Variants in DGKG observed in about 807,000 individuals in gnomAD.
DGKG encodes the protein DAG kinase gamma.
DGKG carries 78 observed loss-of-function variants against 105.3 expected under a neutral mutation model. That is an observed-to-expected ratio of 0.74 (90% CI 0.62 to 0.89). The LOEUF is 0.89. DGKG is among the 40% of genes least tolerant of loss of function. The probability of loss-of-function intolerance (pLI) is 0.00; values close to 1 mark genes in which losing one functional copy is unlikely to be tolerated. For missense variants in DGKG, 958 were observed against 1,020.1 expected (o/e 0.94, Z 0.83); for synonymous variants, 346 against 367.1 (o/e 0.94, Z 0.66).
chr3:186,253,061 C>T (rs745309362), intron 18 of DGKG, 32 bp downstream of exon 18: 3 of 1,595,888 alleles, frequency 1.9e-6, no homozygotes, highest in East Asian at 2.2e-5. Flanking sequence ...AACACCTGTT[C>T]CCAGGGTACC....
At chr3:186,160,076 G>T in intron 24 of DGKG, 1 of 497,760 alleles carries the variant, frequency 2.0e-6, no homozygotes, top group Non-Finnish European at 2.6e-6. Flanking sequence ...TCAGTCTGTG[G>T]TATTCTATTA....
At chr3:186,171,429 A>G (rs1716813745) in intron 22 of DGKG, among the ~76,000 whole-genome samples, 1 of 152,208 alleles carries the variant, frequency 6.6e-6, no homozygotes, top group South Asian at 2.1e-4. Context: ...CCCTGCAAAT[A>G]CCAAAACAGA....
intron 21 of DGKG, among the ~76,000 whole-genome samples, chr3:186,202,907 A>G (rs1028645097): frequency 1.3e-5 from 2 of 152,244 alleles, no homozygotes; most frequent in African/African-American, 4.8e-5. Context: ...CGGAAGACAC[A>G]AAGTAGATAG....
chr3:186,241,106 T>C (rs1344546443), intron 20 of DGKG, among the ~76,000 whole-genome samples: 1 of 152,180 alleles, frequency 6.6e-6, no homozygotes, highest in East Asian at 1.9e-4. Flanking sequence ...GATCGCTCTT[T>C]CTGAAGCTAT....
At chr3:186,168,537 A>G (rs1716663901) in intron 22 of DGKG, among the ~76,000 whole-genome samples, 1 of 152,248 alleles carries the variant, frequency 6.6e-6, no homozygotes, top group South Asian at 2.1e-4. Flanking sequence ...AAAAATCCTC[A>G]GTGGCACTCA....
In DGKG at chr3:186,297,018, C is replaced by T. The variant is rs148183515; in HGVS notation, c.373+403G>A. On this transcript the variant is annotated intron_variant, in intron 5 of 24. Coordinates refer to ENST00000265022, the MANE Select transcript of DGKG (RefSeq NM_001346.3). ...CATCCACTGGTAGAGTCATCTGCACCTCAGCCTTACAGCCACAGCCACCTC... is the reference window on the plus strand; with the variant it reads ...CATCCACTGGTAGAGTCATCTGCACTTCAGCCTTACAGCCACAGCCACCTC... Among the ~76,000 whole-genome samples the T allele has an allele frequency of 6.1e-3, 933 of 151,724 alleles. 6 individuals carry two copies. Among genetic ancestry groups the T allele is most frequent in the Non-Finnish European group, 9.3e-3 (632 of 67,940 alleles).
intron 22 of DGKG, among the ~76,000 whole-genome samples, chr3:186,186,235 G>T (rs1453162477): frequency 1.3e-5 from 2 of 152,026 alleles, no homozygotes; most frequent in Admixed American, 6.6e-5. Context: ...TGAAACAAGA[G>T]AATAACTTCC....
chr3:186,283,108 C>T (rs1020115838), intron 7 of DGKG, among the ~76,000 whole-genome samples: 3 of 151,996 alleles, frequency 2.0e-5, no homozygotes, highest in Admixed American at 6.6e-5. Flanking sequence ...GGGGTTTCAC[C>T]ATATTGGCCA....
chr3:186,279,799 C>T, intron 9 of DGKG, 52 bp downstream of exon 9: 2 of 1,596,128 alleles, frequency 1.3e-6, no homozygotes, highest in Non-Finnish European at 1.7e-6. Context: ...TAACATGAAG[C>T]CCAATGTTCC....
At chr3:186,350,273 G>A (rs1278743108) in intron 1 of DGKG, among the ~76,000 whole-genome samples, 1 of 152,120 alleles carries the variant, frequency 6.6e-6, no homozygotes, top group Admixed American at 6.5e-5. Flanking sequence ...CACCCTGGCA[G>A]CTATCATTTT....
intron 5 of DGKG, among the ~76,000 whole-genome samples, chr3:186,295,992 C>T (rs1040885250): frequency 6.6e-6 from 1 of 152,000 alleles, no homozygotes; most frequent in Non-Finnish European, 1.5e-5. Context: ...TCTTGTAATC[C>T]CAGCTACTCA....
chr3:186,239,813 A>G (rs1001922140), intron 20 of DGKG, among the ~76,000 whole-genome samples: 7 of 152,046 alleles, frequency 4.6e-5, no homozygotes, highest in African/African-American at 7.2e-5. Context: ...AGTATTGTTT[A>G]TAGGATCTCG....
intron 20 of DGKG, among the ~76,000 whole-genome samples, chr3:186,238,526 G>A (rs773909282): frequency 6.6e-6 from 1 of 151,982 alleles, no homozygotes; most frequent in Non-Finnish European, 1.5e-5. Flanking sequence ...TTGAAGGCAG[G>A]GGCCACATCT....
At position 186,231,217 on chromosome 3, in the gene DGKG, A is replaced by T. The variant is rs1156613231; in HGVS notation, c.1826+11287T>A. ...ATTTTGGATAACTTGTGGTTTTCTC[A>T]TGGGCCCTTTAATCATATCTATGGC... On this transcript the variant is annotated intron_variant, in intron 20 of 24. Transcript: ENST00000265022. This position sits in a 1 kb window ranked among gnomAD's most constrained non-coding sequence, Gnocchi z 4.5. Among the ~76,000 whole-genome samples, 3 of 152,078 alleles carry T rather than the reference A, an allele frequency of 2.0e-5. No individual in the cohort carries two copies. The highest frequency in any genetic ancestry group is 7.2e-5 in the African/African-American group (3 of 41,394).
intron 1 of DGKG, among the ~76,000 whole-genome samples, chr3:186,331,976 T>C (rs900407787): frequency 1.3e-5 from 2 of 150,022 alleles, no homozygotes; most frequent in Non-Finnish European, 3.0e-5. Flanking sequence ...ATCCTACTAG[T>C]AAATGATGAG....
chr3:186,208,387 G>A (rs1718855513), intron 21 of DGKG, among the ~76,000 whole-genome samples: 1 of 150,502 alleles, frequency 6.6e-6, no homozygotes, highest in African/African-American at 2.4e-5. Flanking sequence ...TCTCTCATTT[G>A]AGCTTTAAGT....
chr3:186,256,018 A>G (rs139383235), intron 17 of DGKG, among the ~76,000 whole-genome samples: 127 of 152,250 alleles, frequency 8.3e-4, no homozygotes, highest in African/African-American at 3.0e-3. Flanking sequence ...TGAACTGCAT[A>G]AAGCTCTCCG....
intron 5 of DGKG, among the ~76,000 whole-genome samples, chr3:186,289,843 G>T (rs1723236689): frequency 1.3e-5 from 2 of 152,302 alleles, no homozygotes. Flanking sequence ...GTTGAGGAAG[G>T]CAATGTTACC....
At chr3:186,351,572 A>G (rs895778527) in intron 1 of DGKG, among the ~76,000 whole-genome samples, 1 of 152,242 alleles carries the variant, frequency 6.6e-6, no homozygotes, top group African/African-American at 2.4e-5. Context: ...AGCAGTTAAA[A>G]GAGAAGGGAA....
Sources: gnomAD v4.1 joint callset for allele counts (sites outside exome capture counted in the v4.1 genomes callset) on GRCh38, gnomAD v4.1.1 for gene constraint, Gnocchi (gnomAD v3.1) non-coding constraint, MANE v1.5 for transcripts, NCBI Gene and HGNC (gene_info 2026-07-23, HGNC 2026-07-21) for gene names.